The following PIK3R6 variants were observed in gnomAD, a reference collection of about 807,000 sequenced individuals.
The protein encoded by PIK3R6 is phosphoinositide-3-kinase regulatory subunit 6, also known as phosphoinositide 3-kinase regulatory subunit 6.
PIK3R6 carries 91 observed loss-of-function variants against 84.9 expected under a neutral mutation model. The observed-to-expected ratio is 1.07, with a 90% CI of 0.90 to 1.28. PIK3R6 has a LOEUF of 1.28. Ranked by LOEUF, PIK3R6 falls within the 50% of genes most tolerant of loss-of-function variation. The pLI, the probability that PIK3R6 is intolerant of heterozygous loss-of-function variation, is 0.00. For synonymous variants in PIK3R6, 416 were observed against 411.4 expected (o/e 1.01, Z -0.13); for missense variants, 996 against 985.1 (o/e 1.01, Z -0.15).
intron 2 of PIK3R6, among the ~76,000 whole-genome samples, chr17:8,849,300 A>G (rs760651830): frequency 6.6e-6 from 1 of 152,222 alleles, no homozygotes; most frequent in South Asian, 2.1e-4. Context: ...GAGCTAGACT[A>G]TTGGGTTCCA....
At chr17:8,837,022 T>G in intron 5 of PIK3R6, 99 bp from the exon 6 acceptor site, 1 of 918,970 alleles carries the variant, frequency 1.1e-6, no homozygotes, top group Non-Finnish European at 1.7e-6. Context: ...GGGGAGGGGC[T>G]TGGGAGAAGA....
At chr17:8,841,413 C>A (rs1334619087) in intron 2 of PIK3R6, among the ~76,000 whole-genome samples, 1 of 152,170 alleles carries the variant, frequency 6.6e-6, no homozygotes, top group East Asian at 1.9e-4. Context: ...CTCCTGAACC[C>A]CTTCATCCCT....
chr17:8,810,334 C>A lies in PIK3R6; in HGVS notation c.1996-6181G>T, dbSNP rs147397692. On this transcript the variant is annotated intron_variant, in intron 18 of 19. Transcript: ENST00000619866. ...ATTACCTCCCACCAGGCCCCTCCCA[C>A]AACATGTGGGAATGCAAGATCAGAT... is the stretch of plus-strand genomic sequence containing the variant. 8.9e-4 allele frequency among the ~76,000 whole-genome samples: 132 copies of A among 148,058 alleles called. 15 individuals carry two copies. The highest frequency in any genetic ancestry group is 2.9e-3 in the African/African-American group (116 of 39,708).
chr17:8,810,669 A>G (rs1324854135), intron 18 of PIK3R6, among the ~76,000 whole-genome samples: 1 of 148,494 alleles, frequency 6.7e-6, no homozygotes. Flanking sequence ...TACAGGCCCC[A>G]TGCAAGTCTG....
chr17:8,816,452 A>G (rs1219920515), intron 18 of PIK3R6, among the ~76,000 whole-genome samples: 3 of 152,210 alleles, frequency 2.0e-5, no homozygotes, highest in Non-Finnish European at 4.4e-5. Context: ...ATAATGTTTA[A>G]TCATATCAGA....
intron 1 of PIK3R6, 148 bp from the exon 2 acceptor site, chr17:8,850,033 G>A (rs529815024): frequency 4.8e-6 from 2 of 413,356 alleles, no homozygotes; most frequent in South Asian, 1.1e-4. Context: ...ACTGGGTGCA[G>A]TGGCTCATGC....
intron 18 of PIK3R6, among the ~76,000 whole-genome samples, chr17:8,809,994 C>G (rs543759214): frequency 6.6e-6 from 1 of 152,050 alleles, no homozygotes; most frequent in East Asian, 1.9e-4. Flanking sequence ...ACTGGAGCAC[C>G]CAGATTCCTA....
intron 1 of PIK3R6, among the ~76,000 whole-genome samples, chr17:8,852,922 T>G (rs1380216305): frequency 6.6e-6 from 1 of 152,158 alleles, no homozygotes; most frequent in Non-Finnish European, 1.5e-5. Flanking sequence ...TTCATACTTT[T>G]TTGTCTAAGC....
At position 8,819,214 on chromosome 17, in the gene PIK3R6, G is replaced by A; in HGVS notation, c.1880-16C>T. 6.4e-7 allele frequency: 1 copy of A among 1,567,608 alleles called. No individual in the cohort carries two copies. Among genetic ancestry groups the A allele is most frequent in the Non-Finnish European group, 8.7e-7 (1 of 1,146,946 alleles). On this transcript the variant is annotated splice_polypyrimidine_tract_variant and intron_variant, in intron 17 of 19. Coordinates refer to ENST00000619866, the MANE Select transcript of PIK3R6 (RefSeq NM_001010855.4). Reference sequence around the variant, plus strand: ...GACCCTGAAACTGAATGAGATGGGTGGGGCTGTAAATGGACCTCCAGGGAA... The same window carrying A: ...GACCCTGAAACTGAATGAGATGGGTAGGGCTGTAAATGGACCTCCAGGGAA...
At chr17:8,834,115 C>A (rs867213058) in intron 8 of PIK3R6, among the ~76,000 whole-genome samples, 4 of 148,522 alleles carry the variant, frequency 2.7e-5, no homozygotes, top group South Asian at 4.4e-4. Flanking sequence ...CGAGATCACG[C>A]CACTGCACTC....
At chr17:8,864,617 A>G (rs1441286507) in intron 1 of PIK3R6, among the ~76,000 whole-genome samples, 1 of 137,808 alleles carries the variant, frequency 7.3e-6, no homozygotes, top group African/African-American at 2.8e-5. Context: ...GTCTCACTGC[A>G]ACCTCTGCCT....
chr17:8,806,101 G>A (rs2151168034), intron 18 of PIK3R6, among the ~76,000 whole-genome samples: 1 of 152,338 alleles, frequency 6.6e-6, no homozygotes, highest in East Asian at 1.9e-4. Context: ...AATACCTGGA[G>A]AGACTGCAGG....
chr17:8,848,942 G>T (rs1193170867), intron 2 of PIK3R6, among the ~76,000 whole-genome samples: 4 of 152,188 alleles, frequency 2.6e-5, no homozygotes, highest in African/African-American at 9.7e-5. Context: ...CCAGGAGATG[G>T]ATCTTTAGGG....
chr17:8,847,294 C>T (rs2092058003), intron 2 of PIK3R6, among the ~76,000 whole-genome samples: 1 of 152,204 alleles, frequency 6.6e-6, no homozygotes, highest in African/African-American at 2.4e-5. Context: ...CCTGATCCTC[C>T]TTACCCCTAT....
At chr17:8,845,988 T>A (rs1175653915) in intron 2 of PIK3R6, among the ~76,000 whole-genome samples, 3 of 152,162 alleles carry the variant, frequency 2.0e-5, no homozygotes, top group Non-Finnish European at 2.9e-5. Context: ...TAGGTCTCAA[T>A]TGTCGATTTT....
intron 9 of PIK3R6, among the ~76,000 whole-genome samples, chr17:8,832,260 T>C (rs2088265643): frequency 1.3e-5 from 2 of 152,186 alleles, no homozygotes; most frequent in Admixed American, 6.5e-5. Context: ...GTTTCATTGA[T>C]TTAATACAGT....
chr17:8,846,011 A>G lies in PIK3R6; in HGVS notation c.13+3771T>C, dbSNP rs540350969. ...AATTGTCGATTTTTGTTTTTGTTGC[A>G]ATTGCTTTTGAGGACTTAGTCATAA... On this transcript the variant is annotated intron_variant, in intron 2 of 19. Transcript: ENST00000619866. Among the ~76,000 whole-genome samples, 5 of 152,286 alleles carry G rather than the reference A, an allele frequency of 3.3e-5. No homozygotes were observed. In the East Asian group the frequency reaches 9.6e-4, roughly 29 times the overall value.
At chr17:8,864,434 G>C (rs2089354817) in intron 1 of PIK3R6, among the ~76,000 whole-genome samples, 1 of 151,454 alleles carries the variant, frequency 6.6e-6, no homozygotes, top group African/African-American at 2.4e-5. Context: ...GTCTTCTGCT[G>C]GTGACCATGA....
intron 1 of PIK3R6, among the ~76,000 whole-genome samples, chr17:8,855,629 A>G (rs1335157142): frequency 3.9e-5 from 6 of 152,226 alleles, no homozygotes; most frequent in Non-Finnish European, 8.8e-5. Flanking sequence ...GTTCTGGGAT[A>G]CATGTGCAGA....
Sources: gnomAD v4.1 joint callset for allele counts (sites outside exome capture counted in the v4.1 genomes callset) on GRCh38, gnomAD v4.1.1 for gene constraint, MANE v1.5 for transcripts, NCBI Gene and HGNC (gene_info 2026-07-23, HGNC 2026-07-21) for gene names.